Variants in UBL3 observed in about 807,000 individuals in gnomAD.
UBL3 encodes the protein ubiquitin like 3, also known as ubiquitin-like protein 3.
In UBL3, 6 loss-of-function variants were observed where a neutral mutation model predicts 18.4. The ratio of observed to expected loss-of-function variants is 0.33; its 90% CI spans 0.18 to 0.64. The LOEUF is 0.64. UBL3 is among the 30% of genes least tolerant of loss of function. The probability of loss-of-function intolerance (pLI) is 0.76; values close to 1 mark genes in which losing one functional copy is unlikely to be tolerated. For synonymous variants in UBL3, 49 were observed against 46.6 expected (o/e 1.05, Z -0.21); for missense variants, 109 against 142.9 (o/e 0.76, Z 1.21).
chr13:29,804,046 T>C (rs768701794), intron 1 of UBL3, among the ~76,000 whole-genome samples: 4 of 147,374 alleles, frequency 2.7e-5, no homozygotes, highest in African/African-American at 1.0e-4. Flanking sequence ...TACTTTAAAA[T>C]AGAACACACA....
At chr13:29,800,917 A>AC (rs1877744741) in intron 1 of UBL3, among the ~76,000 whole-genome samples, 3 of 151,654 alleles carry the variant, frequency 2.0e-5, no homozygotes, top group African/African-American at 4.8e-5. Context: ...GGACCCCCCC[A>AC]CGGTGCAGCA....
At chr13:29,801,643 G>C (rs964775878) in intron 1 of UBL3, among the ~76,000 whole-genome samples, 1 of 152,122 alleles carries the variant, frequency 6.6e-6, no homozygotes, top group Non-Finnish European at 1.5e-5. Context: ...CAGTTGTACT[G>C]CCCTTGTTGC....
rs75815306 is a variant in UBL3, at chr13:29,801,849, G to A, written c.28-24586C>T. Among the ~76,000 whole-genome samples, 876 of 152,328 alleles carry A rather than the reference G, an allele frequency of 5.8e-3. 30 individuals carry two copies. In the East Asian group the frequency reaches 0.066, roughly 11 times the overall value. On this transcript the variant is annotated intron_variant, in intron 1 of 4. Transcript: ENST00000380680. The stretch of plus-strand genomic sequence containing the variant: ...CCCAGGCCGAACACACTGATTGATA[G>A]AGGGTCTGCATTTCTCTGGGGTGGA...
At position 29,849,823 on chromosome 13, in the gene UBL3, G is replaced by A. The variant is rs11550779; in HGVS notation, c.-285C>T. 2 of 549,402 alleles carry A rather than the reference G, an allele frequency of 3.6e-6. No individual in the cohort carries two copies. Among genetic ancestry groups the A allele is most frequent in the African/African-American group, 1.9e-5 (1 of 52,436 alleles). The allele number at this position is 549,402 out of a possible 1,614,324, so 34.0% of individuals were successfully genotyped here. On this transcript the variant is annotated 5_prime_UTR_variant, in exon 1 of 5. Transcript: ENST00000380680. The stretch of plus-strand genomic sequence containing the variant: ...GTCGTCAACAGCAGCAGCAGCCCCA[G>A]GACCGGCCGCGCCAGGTGGACCGAG...
At chr13:29,832,834 T>TA (rs1878817264) in intron 1 of UBL3, among the ~76,000 whole-genome samples, 1 of 152,328 alleles carries the variant, frequency 6.6e-6, no homozygotes, top group Admixed American at 6.5e-5. Context: ...GTTCTATACT[T>TA]ACAGTGTCTA....
rs375585415 is a variant in UBL3 at position 29,772,107 on chromosome 13, G to A, written c.223+5C>T. 12 of 1,608,762 alleles carry A rather than the reference G, an allele frequency of 7.5e-6. No homozygotes were observed. In the African/African-American group the frequency reaches 1.5e-4, roughly 20 times the overall value. Reference sequence around the variant, plus strand: ...ATTAAATCCCATTACAAAGGTGGCTGTTACCTCCTAATGTGACATTTCCAT... The same window carrying A: ...ATTAAATCCCATTACAAAGGTGGCTATTACCTCCTAATGTGACATTTCCAT... On this transcript the variant is annotated splice_donor_5th_base_variant and intron_variant, in intron 3 of 4. Coordinates refer to ENST00000380680, the MANE Select transcript of UBL3 (RefSeq NM_007106.4).
At chr13:29,798,635 ATAGAG>A (rs1268063985) in intron 1 of UBL3, among the ~76,000 whole-genome samples, 1 of 152,216 alleles carries the variant, frequency 6.6e-6, no homozygotes, top group Non-Finnish European at 1.5e-5. Context: ...ACAAGTATGA[ATAGAG>A]TAGTCTGAAT....
At chr13:29,802,070 G>C (rs563169859) in intron 1 of UBL3, among the ~76,000 whole-genome samples, 1 of 152,208 alleles carries the variant, frequency 6.6e-6, no homozygotes, top group Admixed American at 6.5e-5. Context: ...GCAGGGAGAG[G>C]AAGCACAGCT....
In UBL3 at chr13:29,783,040, A is replaced by T. The variant is rs899340872; in HGVS notation, c.28-5777T>A. Among the ~76,000 whole-genome samples the T allele has an allele frequency of 3.9e-5, 6 of 152,250 alleles. No individual in the cohort carries two copies. The South Asian group carries it at 8.3e-4, about 21-fold the overall frequency. On this transcript the variant is annotated intron_variant, in intron 1 of 4. Transcript: ENST00000380680. ...ACTGAAAGTGCAGACTAGAAAGGTC[A>T]GAGCTGATTCAAACCTAGGCTTCAG...
intron 1 of UBL3, among the ~76,000 whole-genome samples, chr13:29,815,171 T>G (rs1476016487): frequency 6.6e-6 from 1 of 152,174 alleles, no homozygotes; most frequent in East Asian, 1.9e-4. Context: ...ACAGAAATCC[T>G]GTGTCACTGG....
At chr13:29,824,328 C>A (rs968810684) in intron 1 of UBL3, among the ~76,000 whole-genome samples, 19 of 152,176 alleles carry the variant, frequency 1.2e-4, no homozygotes, top group Admixed American at 1.2e-3. Context: ...CCCACCAACA[C>A]TGTAAAAGTG....
intron 1 of UBL3, among the ~76,000 whole-genome samples, chr13:29,844,059 A>T (rs1482063017): frequency 6.6e-6 from 1 of 152,214 alleles, no homozygotes; most frequent in African/African-American, 2.4e-5. Context: ...TTCTTCTTTT[A>T]AAAAGTATTT....
chr13:29,816,740 G>A (rs1162692150), intron 1 of UBL3, among the ~76,000 whole-genome samples: 2 of 111,622 alleles, frequency 1.8e-5, no homozygotes, highest in Non-Finnish European at 3.4e-5. Context: ...GGGTGACTGA[G>A]CAAGACCCTG....
chr13:29,810,891 A>G (rs1019731216), intron 1 of UBL3, among the ~76,000 whole-genome samples: 1 of 152,140 alleles, frequency 6.6e-6, no homozygotes, highest in African/African-American at 2.4e-5. Context: ...TCTTTTGCTC[A>G]CTGTTAAAAA....
chr13:29,792,016 T>C (rs1180020075), intron 1 of UBL3, among the ~76,000 whole-genome samples: 2 of 152,164 alleles, frequency 1.3e-5, no homozygotes, highest in Non-Finnish European at 2.9e-5. Context: ...GTTCCATTGG[T>C]TGTGTTTTGT....
chr13:29,805,496 G>A (rs1228307602), intron 1 of UBL3, among the ~76,000 whole-genome samples: 1 of 152,070 alleles, frequency 6.6e-6, no homozygotes, highest in Non-Finnish European at 1.5e-5. Flanking sequence ...TTAGAAAACG[G>A]CTCTTACACC....
At chr13:29,820,706 T>G (rs1036012648) in intron 1 of UBL3, among the ~76,000 whole-genome samples, 1 of 152,188 alleles carries the variant, frequency 6.6e-6, no homozygotes, top group Non-Finnish European at 1.5e-5. Context: ...TAAATCAACA[T>G]ATTAGGTTCT....
At chr13:29,833,804 TAGG>T (rs1476168649) in intron 1 of UBL3, among the ~76,000 whole-genome samples, 10 of 152,178 alleles carry the variant, frequency 6.6e-5, no homozygotes, top group Non-Finnish European at 1.2e-4. Context: ...TAAACTCTAT[TAGG>T]AGAAGGATTT....
At chr13:29,787,178 T>A (rs549941755) in intron 1 of UBL3, among the ~76,000 whole-genome samples, 1 of 152,318 alleles carries the variant, frequency 6.6e-6, no homozygotes. Context: ...CTGTTTTTTT[T>A]TTCTTCATCA....
Sources: gnomAD v4.1 joint callset for allele counts (sites outside exome capture counted in the v4.1 genomes callset) on GRCh38, gnomAD v4.1.1 for gene constraint, MANE v1.5 for transcripts, NCBI Gene and HGNC (gene_info 2026-07-23, HGNC 2026-07-21) for gene names.